Variants in CNTN5 observed in about 807,000 individuals in gnomAD.
CNTN5 encodes the protein contactin-5.
In CNTN5, 77 loss-of-function variants were observed where a neutral mutation model predicts 129.1. That is an observed-to-expected ratio of 0.60 (90% CI 0.50 to 0.72). The LOEUF (loss-of-function observed/expected upper bound fraction) is 0.72, where lower values mean the gene tolerates loss of function less well. Ranked by LOEUF, CNTN5 falls within the 30% of genes least tolerant of loss-of-function variation. The pLI is 0.00. For synonymous variants in CNTN5, 509 were observed against 465.6 expected (o/e 1.09, Z -1.20); for missense variants, 1,478 against 1,328.8 (o/e 1.11, Z -1.75).
At chr11:100,324,506 A>T (rs1228431577) in intron 21 of CNTN5, among the ~76,000 whole-genome samples, 1 of 152,128 alleles carries the variant, frequency 6.6e-6, no homozygotes, top group Non-Finnish European at 1.5e-5. Flanking sequence ...TCTTTTCTCA[A>T]TTTACAGGTC....
At chr11:99,718,416 T>G (rs866430811) in intron 3 of CNTN5, among the ~76,000 whole-genome samples, 21 of 152,182 alleles carry the variant, frequency 1.4e-4, no homozygotes, top group African/African-American at 5.1e-4. Context: ...TCAGTCCATC[T>G]GGAAGAGGGT....
At chr11:100,308,868 A>C (rs1951411789) in intron 21 of CNTN5, 1 of 984,052 alleles carries the variant, frequency 1.0e-6, no homozygotes, top group Non-Finnish European at 1.2e-6. Flanking sequence ...GTGCTGAATT[A>C]TCAAATTTTG....
intron 7 of CNTN5, among the ~76,000 whole-genome samples, chr11:99,931,060 G>A (rs777237800): frequency 3.3e-5 from 5 of 152,108 alleles, no homozygotes; most frequent in Non-Finnish European, 5.9e-5. Flanking sequence ...GTCCATTGAA[G>A]CATTTGTAAC....
intron 1 of CNTN5, among the ~76,000 whole-genome samples, chr11:99,047,247 A>T (rs1864249774): frequency 6.6e-6 from 1 of 151,910 alleles, no homozygotes; most frequent in Non-Finnish European, 1.5e-5. Context: ...CATATTAAGA[A>T]CTTACTATCT....
chr11:99,552,998 C>A (rs1401398919), intron 2 of CNTN5, among the ~76,000 whole-genome samples: 1 of 152,114 alleles, frequency 6.6e-6, no homozygotes, highest in Non-Finnish European at 1.5e-5. Flanking sequence ...TGCAGTCAAC[C>A]TCACAATGCA....
At chr11:99,178,763 A>T (rs7949919) in intron 1 of CNTN5, among the ~76,000 whole-genome samples, 6,296 of 152,184 alleles carry the variant, frequency 0.041, 449 homozygotes, top group African/African-American at 0.14. Flanking sequence ...AATGGGTATT[A>T]TGAGCTTTAA....
intron 3 of CNTN5, among the ~76,000 whole-genome samples, chr11:99,799,580 C>G (rs545574626): frequency 6.6e-6 from 1 of 151,348 alleles, no homozygotes; most frequent in East Asian, 2.0e-4. Flanking sequence ...CACCTTGCAT[C>G]CTAGGAATGA....
chr11:99,404,935 G>A (rs546477944), intron 2 of CNTN5, among the ~76,000 whole-genome samples: 1 of 152,162 alleles, frequency 6.6e-6, no homozygotes, highest in East Asian at 1.9e-4. Context: ...GCTCTTGTTT[G>A]TCTAGGAAAG....
chr11:100,101,361 A>T (rs1336359327), intron 13 of CNTN5, among the ~76,000 whole-genome samples: 1 of 152,104 alleles, frequency 6.6e-6, no homozygotes, highest in Non-Finnish European at 1.5e-5. Context: ...CAAGAAGGAT[A>T]AGATTAAAGT....
chr11:100,199,113 C>T (rs974121610), intron 15 of CNTN5, among the ~76,000 whole-genome samples: 4 of 151,848 alleles, frequency 2.6e-5, no homozygotes, highest in South Asian at 4.1e-4. Context: ...AAGCTGTAAG[C>T]GTTTCATAAG....
chr11:99,620,720 G>A (rs1036382047), intron 3 of CNTN5, among the ~76,000 whole-genome samples: 1 of 149,126 alleles, frequency 6.7e-6, no homozygotes. Flanking sequence ...GCTCCCCCCC[G>A]GCCATCAGCA....
At chr11:100,210,173 AC>A (rs772058855) in intron 15 of CNTN5, among the ~76,000 whole-genome samples, 19,399 of 110,464 alleles carry the variant, frequency 0.18, 1,607 homozygotes, top group Non-Finnish European at 0.23. Flanking sequence ...CTGCCTCTAT[AC>A]AAAAAAAAAA....
At chr11:99,096,311 G>T (rs1202022182) in intron 1 of CNTN5, among the ~76,000 whole-genome samples, 1 of 151,752 alleles carries the variant, frequency 6.6e-6, no homozygotes, top group East Asian at 1.9e-4. Context: ...GAAAGTATTT[G>T]TGATGAAAAC....
At chr11:99,701,957 A>G (rs1394951616) in intron 3 of CNTN5, among the ~76,000 whole-genome samples, 1 of 151,070 alleles carries the variant, frequency 6.6e-6, no homozygotes, top group Non-Finnish European at 1.5e-5. Flanking sequence ...CAAATTGCTT[A>G]ATACCAATTA....
chr11:99,483,554 A>G (rs1390904564), intron 2 of CNTN5, among the ~76,000 whole-genome samples: 1 of 152,080 alleles, frequency 6.6e-6, no homozygotes, highest in African/African-American at 2.4e-5. Context: ...CACCATTTTC[A>G]GGTGTTTGTA....
At chr11:99,280,226 A>G (rs1453366674) in intron 1 of CNTN5, among the ~76,000 whole-genome samples, 1 of 151,750 alleles carries the variant, frequency 6.6e-6, no homozygotes, top group African/African-American at 2.4e-5. Flanking sequence ...ATTGGGATGA[A>G]GAAGATGTAC....
chr11:100,339,024 C>A (rs556062908), intron 21 of CNTN5, among the ~76,000 whole-genome samples: 1 of 152,072 alleles, frequency 6.6e-6, no homozygotes, highest in South Asian at 2.1e-4. Flanking sequence ...GCTCAACTGA[C>A]AGGAGCAAGC....
chr11:99,689,356 T>C (rs1300949106), intron 3 of CNTN5, among the ~76,000 whole-genome samples: 1 of 151,522 alleles, frequency 6.6e-6, no homozygotes, highest in African/African-American at 2.4e-5. Context: ...TGAAACCCCG[T>C]CTCTACTAAA....
intron 13 of CNTN5, among the ~76,000 whole-genome samples, chr11:100,155,967 C>G (rs1193262008): frequency 6.6e-6 from 1 of 152,006 alleles, no homozygotes; most frequent in African/African-American, 2.4e-5. Flanking sequence ...CAATTTGACT[C>G]ATGTCTTCCT....
Sources: allele counts gnomAD v4.1 joint callset (sites outside exome capture counted in the v4.1 genomes callset), GRCh38; gene constraint gnomAD v4.1.1; transcripts MANE v1.5; gene names NCBI Gene and HGNC (gene_info 2026-07-23, HGNC 2026-07-21).